TCF7L1: variants seen among roughly 807,000 people sequenced by gnomAD.
The protein encoded by TCF7L1 is transcription factor 7-like 1.
TCF7L1 carries 18 observed loss-of-function variants against 63.7 expected under a neutral mutation model. That is an observed-to-expected ratio of 0.28 (90% CI 0.20 to 0.42). TCF7L1 has a LOEUF of 0.42. Ranked by LOEUF, TCF7L1 falls within the 10% of genes least tolerant of loss-of-function variation. The probability of loss-of-function intolerance (pLI) is 1.00; values close to 1 mark genes in which losing one functional copy is unlikely to be tolerated. For missense variants in TCF7L1, 654 were observed against 779.3 expected (o/e 0.84, Z 1.91); for synonymous variants, 355 against 340.9 (o/e 1.04, Z -0.46).
chr2:85,238,682 T>C (rs1418545247), intron 3 of TCF7L1, among the ~76,000 whole-genome samples: 2 of 152,106 alleles, frequency 1.3e-5, no homozygotes, highest in Non-Finnish European at 1.5e-5. Flanking sequence ...ACCCAGACAG[T>C]AATGATACAC....
chr2:85,250,046 A>G (rs1415301163), intron 3 of TCF7L1, among the ~76,000 whole-genome samples: 1 of 152,236 alleles, frequency 6.6e-6, no homozygotes, highest in Non-Finnish European at 1.5e-5. Context: ...TGTGTGCCCA[A>G]TAAATGAGTC....
intron 11 of TCF7L1, 94 bp downstream of exon 11, chr2:85,307,811 T>C (rs1038197684): frequency 3.4e-6 from 4 of 1,171,574 alleles, no homozygotes; most frequent in Non-Finnish European, 5.1e-6. Context: ...GGGTCAGGGC[T>C]TCTGCCTCGG....
chr2:85,153,237 G>A (rs994906572), intron 3 of TCF7L1, among the ~76,000 whole-genome samples: 9 of 151,998 alleles, frequency 5.9e-5, no homozygotes, highest in African/African-American at 2.2e-4. Context: ...TTGCATATAA[G>A]CATGTAGAAC....
intron 3 of TCF7L1, among the ~76,000 whole-genome samples, chr2:85,208,526 C>G (rs901342886): frequency 1.3e-5 from 2 of 152,020 alleles, no homozygotes; most frequent in Non-Finnish European, 2.9e-5. Flanking sequence ...AGCAGAGACC[C>G]GAAGGAAGTG....
intron 3 of TCF7L1, among the ~76,000 whole-genome samples, chr2:85,274,642 C>T (rs1307860277): frequency 6.6e-6 from 1 of 152,222 alleles, no homozygotes; most frequent in Non-Finnish European, 1.5e-5. Context: ...CCGCGCTGAG[C>T]CTTCAGTGAC....
chr2:85,303,799 C>A, intron 5 of TCF7L1, 96 bp from the exon 6 acceptor site: 1 of 911,736 alleles, frequency 1.1e-6, no homozygotes, highest in Non-Finnish European at 1.7e-6. Flanking sequence ...GGCTCCAGAG[C>A]ACCAGGGACA....
intron 4 of TCF7L1, among the ~76,000 whole-genome samples, chr2:85,291,351 A>T (rs1218928680): frequency 6.6e-6 from 1 of 152,242 alleles, no homozygotes; most frequent in Non-Finnish European, 1.5e-5. Context: ...CTTGTGCTGA[A>T]TATCTAAATT....
intron 3 of TCF7L1, among the ~76,000 whole-genome samples, chr2:85,246,628 G>T (rs1001684826): frequency 6.6e-6 from 1 of 152,216 alleles, no homozygotes; most frequent in Non-Finnish European, 1.5e-5. Flanking sequence ...CCATCTGGCC[G>T]TTGCTCGGTG....
chr2:85,199,635 T>C (rs1347567529), intron 3 of TCF7L1, among the ~76,000 whole-genome samples: 1 of 152,246 alleles, frequency 6.6e-6, no homozygotes, highest in East Asian at 1.9e-4. Context: ...CGAGTGATTC[T>C]AATGGGCTGC....
At chr2:85,232,119 C>T (rs1005978016) in intron 3 of TCF7L1, among the ~76,000 whole-genome samples, 1 of 152,178 alleles carries the variant, frequency 6.6e-6, no homozygotes, top group Non-Finnish European at 1.5e-5. Context: ...ATCAGCAGCC[C>T]ACAAGGCGAT....
intron 3 of TCF7L1, among the ~76,000 whole-genome samples, chr2:85,219,161 A>AT (rs11440593): frequency 0.054 from 8,174 of 152,110 alleles, 245 homozygotes; most frequent in African/African-American, 0.068. Context: ...TCAAAAAACA[A>AT]TTTTTTTTCC....
At chr2:85,213,649 T>C (rs1233997817) in intron 3 of TCF7L1, 2 of 152,164 alleles carry the variant, frequency 1.3e-5, no homozygotes, top group Admixed American at 6.5e-5. Context: ...CAGCTAAAAA[T>C]AACCACCCTG....
At chr2:85,220,640 A>G (rs1333903653) in intron 3 of TCF7L1, among the ~76,000 whole-genome samples, 1 of 152,186 alleles carries the variant, frequency 6.6e-6, no homozygotes, top group Non-Finnish European at 1.5e-5. Context: ...CTGGGATTAC[A>G]GGCATGAGCC....
chr2:85,190,662 G>A (rs1044253619), intron 3 of TCF7L1, among the ~76,000 whole-genome samples: 4 of 152,314 alleles, frequency 2.6e-5, no homozygotes, highest in East Asian at 3.9e-4. Flanking sequence ...TTACAAAATT[G>A]TGTTTAAGGA....
In TCF7L1 at chr2:85,133,914, G is replaced by T. The variant is rs866985045; in HGVS notation, c.230G>T (p.Ser77Ile). Residue 77 changes from serine (S) to isoleucine (I), a missense_variant, in exon 1 of 12, where the codon AGC (serine) becomes ATC (isoleucine). Ser to Ile is a moderately radical substitution (Grantham distance 142). Around this residue, in one of 3 missense-constraint regions of TCF7L1, gnomAD observed 404 missense variants for 454.8 expected, o/e 0.89. Coordinates refer to ENST00000282111, the MANE Select transcript of TCF7L1 (RefSeq NM_031283.3). The surrounding 1 kb of genome is among the most constrained non-coding windows in gnomAD (Gnocchi z 4.4). ...CTGGTCAACGAGTCGGAGAACCAGA[G>T]CAGCAGCTCGGACTCGGAGGTAAGG... ...SSLVNESENQ[S>I]SSSDSEAERR... 1 of 1,529,844 alleles carries T rather than the reference G, an allele frequency of 6.5e-7. No homozygotes were observed. Among genetic ancestry groups the T allele is most frequent in the Non-Finnish European group, 8.8e-7 (1 of 1,134,512 alleles). 94.8% of individuals were successfully genotyped at this position (1,529,844 alleles called of 1,614,324 possible).
At position 85,134,755 on chromosome 2, in the gene TCF7L1, T is replaced by C. The variant is rs1236094320; in HGVS notation, c.441+305T>C. On this transcript the variant is annotated intron_variant, in intron 3 of 11. Transcript: ENST00000282111. The surrounding 1 kb of genome is among the most constrained non-coding windows in gnomAD (Gnocchi z 5.0). Reference sequence around the variant, plus strand: ...AAGGAAACTTGGATTTGTGCCCGCTTTGGGGGGGTCTCGCTTTCCTTCTTG... The same window carrying C: ...AAGGAAACTTGGATTTGTGCCCGCTCTGGGGGGGTCTCGCTTTCCTTCTTG... Among the ~76,000 whole-genome samples the C allele has an allele frequency of 6.6e-6, 1 of 152,086 alleles. No homozygotes were observed. Among genetic ancestry groups the C allele is most frequent in the East Asian group, 1.9e-4 (1 of 5,164 alleles).
rs1205097767 is a variant in TCF7L1 at position 85,310,334 on chromosome 2, C to T, written c.*872C>T. The T allele has an allele frequency of 6.6e-6, 1 of 152,576 alleles. No homozygotes were observed. The highest frequency in any genetic ancestry group is 2.4e-5 in the African/African-American group (1 of 41,452). The allele number at this position is 152,576 out of a possible 1,614,324, so 9.5% of individuals were successfully genotyped here. A position where few individuals can be genotyped will look rare whatever the true frequency, so the allele number is the denominator to read the frequency against. ...TTTATGGTTTTTGGAGCAATTTAAACTCCCAGTTGTTTATTTTCACAAAAG... is the reference window on the plus strand; with the variant it reads ...TTTATGGTTTTTGGAGCAATTTAAATTCCCAGTTGTTTATTTTCACAAAAG... On this transcript the variant is annotated 3_prime_UTR_variant, in exon 12 of 12. Transcript: ENST00000282111.
intron 3 of TCF7L1, among the ~76,000 whole-genome samples, chr2:85,191,555 C>A (rs978050810): frequency 3.3e-5 from 5 of 152,114 alleles, no homozygotes; most frequent in Non-Finnish European, 7.3e-5. Flanking sequence ...TTCCTTGGCA[C>A]GTGACTCATG....
At position 85,302,574 on chromosome 2, in the gene TCF7L1, T is replaced by TACCCCACCC; in HGVS notation, c.616_617insACCCCACCC (p.Ser206delinsTyrProThrPro). 6.2e-7 allele frequency: 1 copy of TACCCCACCC among 1,611,522 alleles called. No homozygotes were observed. Reference sequence around the variant, plus strand: ...CAGCAATGACCACTTCTCCCCCGGCTCCCCTCCCACCCACCTCTCCCCAGA... The same window carrying TACCCCACCC: ...CAGCAATGACCACTTCTCCCCCGGCTACCCCACCCCCCCTCCCACCCACCTCTCCCCAGA... On this transcript the variant is annotated protein_altering_variant, in exon 5 of 12. Transcript: ENST00000282111.
Sources: gnomAD v4.1 joint callset for allele counts (sites outside exome capture counted in the v4.1 genomes callset) on GRCh38, gnomAD v4.1.1 for gene constraint, gnomAD v4.1.1 regional missense constraint, Gnocchi (gnomAD v3.1) non-coding constraint, MANE v1.5 for transcripts, NCBI Gene and HGNC (gene_info 2026-07-23, HGNC 2026-07-21) for gene names.